FANCC: variants seen among roughly 807,000 people sequenced by gnomAD.
The protein encoded by FANCC is Fanconi anemia group C protein.
Under a neutral mutation model 71.3 loss-of-function variants are expected in FANCC, and 55 were observed. That is an observed-to-expected ratio of 0.77 (90% CI 0.62 to 0.97). The LOEUF is 0.97. Ranked by LOEUF, FANCC falls within the 50% of genes least tolerant of loss-of-function variation. The probability of loss-of-function intolerance (pLI) is 0.00; values close to 1 mark genes in which losing one functional copy is unlikely to be tolerated. For missense variants in FANCC, 678 were observed against 670.9 expected (o/e 1.01, Z -0.12); for synonymous variants, 275 against 244.9 (o/e 1.12, Z -1.15).
intron 13 of FANCC, 68 bp from the exon 14 acceptor site, chr9:95,107,337 T>A: frequency 6.5e-7 from 1 of 1,528,034 alleles, no homozygotes; most frequent in South Asian, 1.2e-5. Flanking sequence ...TAGGATTTAT[T>A]TATTTGCTTT....
At chr9:95,199,833 T>C (rs1827697540) in intron 4 of FANCC, among the ~76,000 whole-genome samples, 1 of 152,150 alleles carries the variant, frequency 6.6e-6, no homozygotes, top group Admixed American at 6.6e-5. Flanking sequence ...CCCAAAAGTT[T>C]TACATTTTAA....
intron 1 of FANCC, among the ~76,000 whole-genome samples, chr9:95,282,397 G>A (rs1833431082): frequency 6.6e-6 from 1 of 152,072 alleles, no homozygotes; most frequent in Non-Finnish European, 1.5e-5. Context: ...TTGGGTAAAT[G>A]TATATGCACC....
rs1064794731 is a variant in FANCC at position 95,150,071 on chromosome 9, C to G, written c.538G>C (p.Val180Leu). 2 of 1,614,124 alleles carry G rather than the reference C, an allele frequency of 1.2e-6. No homozygotes were observed. The highest frequency in any genetic ancestry group is 8.5e-7 in the Non-Finnish European group (1 of 1,180,020). ...NTQRRMAPER[V>L]ASLSRVCVPL... is the part of the protein sequence containing the mutation. ...ACACAAACTCGTGACAGGGACGCCA[C>G]TCGCTCGGGAGCCATTCTATGGAAG... The change falls in exon 7 of 15, where the codon GTG becomes CTG. Residue 180 changes from valine to leucine, a missense_variant. Val to Leu is a conservative substitution (Grantham distance 32). Coordinates refer to ENST00000289081, the MANE Select transcript of FANCC (RefSeq NM_000136.3).
intron 10 of FANCC, among the ~76,000 whole-genome samples, chr9:95,120,316 GC>G (rs2072770385): frequency 6.6e-6 from 1 of 152,058 alleles, no homozygotes; most frequent in African/African-American, 2.4e-5. Flanking sequence ...AAATCAGTTG[GC>G]CACATATGTA....
At chr9:95,254,969 G>A (rs774764160) in intron 1 of FANCC, among the ~76,000 whole-genome samples, 2 of 152,070 alleles carry the variant, frequency 1.3e-5, no homozygotes, top group African/African-American at 2.4e-5. Context: ...AGGGATGTTC[G>A]CTCAGCAAAG....
At chr9:95,271,621 T>C (rs1832723831) in intron 1 of FANCC, among the ~76,000 whole-genome samples, 1 of 152,208 alleles carries the variant, frequency 6.6e-6, no homozygotes, top group African/African-American at 2.4e-5. Context: ...AACAAGTTTG[T>C]AGTAATTTGC....
chr9:95,170,716 G>A (rs1825619865), intron 6 of FANCC, among the ~76,000 whole-genome samples: 1 of 150,858 alleles, frequency 6.6e-6, no homozygotes, highest in Admixed American at 6.6e-5. Context: ...GCAGGCTAGT[G>A]TGAGAGCATA....
intron 6 of FANCC, among the ~76,000 whole-genome samples, chr9:95,162,826 T>C (rs1316800277): frequency 6.6e-6 from 1 of 152,240 alleles, no homozygotes; most frequent in Non-Finnish European, 1.5e-5. Flanking sequence ...GTTGTTGAGT[T>C]GCAGGAATTC....
intron 8 of FANCC, among the ~76,000 whole-genome samples, chr9:95,132,292 G>A (rs73530456): frequency 0.074 from 11,273 of 152,314 alleles, 588 homozygotes; most frequent in South Asian, 0.24. Flanking sequence ...CCAAAGAATA[G>A]CTTTCTGGGC....
At chr9:95,192,876 T>A (rs1221864142) in intron 4 of FANCC, among the ~76,000 whole-genome samples, 1 of 152,212 alleles carries the variant, frequency 6.6e-6, no homozygotes, top group Non-Finnish European at 1.5e-5. Flanking sequence ...ACAGGCAGAA[T>A]TTCAATAACC....
chr9:95,238,610 G>A (rs1830455444), intron 4 of FANCC, among the ~76,000 whole-genome samples: 1 of 151,398 alleles, frequency 6.6e-6, no homozygotes, highest in South Asian at 2.1e-4. Context: ...CTGTCACCCA[G>A]GCTGGAGTGC....
rs1171422647 is a variant in FANCC at position 95,253,695 on chromosome 9, G to A, written c.-78-4326C>T. 2.0e-5 allele frequency among the ~76,000 whole-genome samples: 3 copies of A among 151,970 alleles called. No homozygotes were observed. The South Asian group carries it at 6.2e-4, about 32-fold the overall frequency. ...ATTCCCATAGGTTTTGGGGGAACAG[G>A]TGGTATTTGGTTACACGGTAAGTCC... On this transcript the variant is annotated intron_variant, in intron 1 of 14. Coordinates refer to ENST00000289081, the MANE Select transcript of FANCC (RefSeq NM_000136.3).
At chr9:95,152,038 T>G (rs1187577025) in intron 6 of FANCC, among the ~76,000 whole-genome samples, 1 of 152,230 alleles carries the variant, frequency 6.6e-6, no homozygotes, top group Non-Finnish European at 1.5e-5. Context: ...TTGTTTCTAT[T>G]TCTTGCAAAT....
chr9:95,218,570 T>A (rs1829026163), intron 4 of FANCC, among the ~76,000 whole-genome samples: 1 of 152,164 alleles, frequency 6.6e-6, no homozygotes, highest in Non-Finnish European at 1.5e-5. Flanking sequence ...ACCCTTAACA[T>A]TTTAGCATAT....
chr9:95,173,503 T>C (rs1029722888), intron 4 of FANCC, among the ~76,000 whole-genome samples: 3 of 152,372 alleles, frequency 2.0e-5, no homozygotes, highest in South Asian at 4.1e-4. Flanking sequence ...GCAAATATGA[T>C]GACAGGAACT....
At chr9:95,302,777 A>AT (rs1834827811) in intron 1 of FANCC, among the ~76,000 whole-genome samples, 2 of 152,204 alleles carry the variant, frequency 1.3e-5, no homozygotes, top group East Asian at 3.9e-4. Flanking sequence ...TCCTACAAAC[A>AT]TATCAGAAAG....
At chr9:95,314,646 C>CT (rs537754340) in intron 1 of FANCC, among the ~76,000 whole-genome samples, 10 of 150,742 alleles carry the variant, frequency 6.6e-5, no homozygotes, top group Non-Finnish European at 1.3e-4. Flanking sequence ...GAGCGAGACT[C>CT]TGTCTCAAAA....
chr9:95,198,414 G>A (rs568023891), intron 4 of FANCC, among the ~76,000 whole-genome samples: 71 of 152,322 alleles, frequency 4.7e-4, no homozygotes, highest in Admixed American at 9.1e-4. Flanking sequence ...AGAGCCTAAA[G>A]CTGTTTTACA....
In FANCC at chr9:95,149,916, C is replaced by A. The variant is rs1467649929; in HGVS notation, c.686+7G>T. The A allele has an allele frequency of 6.3e-7, 1 of 1,592,594 alleles. No homozygotes were observed. Among genetic ancestry groups the A allele is most frequent in the African/African-American group, 1.3e-5 (1 of 74,864 alleles). ...ACGCAGGATGACAGGAAACATTTGC[C>A]ACTTACAGCAAAATGGCCTCGTTTA... On this transcript the variant is annotated splice_region_variant and intron_variant, in intron 7 of 14. Coordinates refer to ENST00000289081, the MANE Select transcript of FANCC (RefSeq NM_000136.3).
Sources: allele counts gnomAD v4.1 joint callset (sites outside exome capture counted in the v4.1 genomes callset), GRCh38; gene constraint gnomAD v4.1.1; transcripts MANE v1.5; gene names NCBI Gene and HGNC (gene_info 2026-07-23, HGNC 2026-07-21).